ADGRE2: variants seen among roughly 807,000 people sequenced by gnomAD.
The protein encoded by ADGRE2 is CD97 antigen.
Under a neutral mutation model 100.8 loss-of-function variants are expected in ADGRE2, and 83 were observed. The observed-to-expected ratio is 0.82, with a 90% CI of 0.69 to 0.99. The LOEUF is 0.99. Ranked by LOEUF, ADGRE2 falls within the 50% of genes least tolerant of loss-of-function variation. ADGRE2 has a pLI of 0.00. For synonymous variants in ADGRE2, 355 were observed against 413.0 expected (o/e 0.86, Z 1.70); for missense variants, 814 against 1,035.7 (o/e 0.79, Z 2.94).
At chr19:14,771,621 C>CTTGCTTAT (rs1555789538) in intron 5 of ADGRE2, among the ~76,000 whole-genome samples, 1 of 143,590 alleles carries the variant, frequency 7.0e-6, no homozygotes, top group African/African-American at 2.6e-5. Context: ...GCATCCATTG[C>CTTGCTTAT]TTATTTATTT....
rs1025592396 is a variant in ADGRE2 at position 14,755,238 on chromosome 19, A to G, written c.1417-111T>C. The G allele has an allele frequency of 4.0e-6, 4 of 1,011,408 alleles. No individual in the cohort carries two copies. The African/African-American group carries it at 6.4e-5, about 16-fold the overall frequency. The allele number at this position is 1,011,408 out of a possible 1,614,324, so 62.7% of individuals were successfully genotyped here. On this transcript the variant is annotated intron_variant, in intron 13 of 20. Transcript: ENST00000315576. ...CACTTGAGGTCAGGAGTTTGAGACC[A>G]GCCTGGCCAACATGGTGAAACCCCA... is the stretch of plus-strand genomic sequence containing the variant.
In ADGRE2 at chr19:14,773,962, T is replaced by G; in HGVS notation, c.175A>C (p.Thr59Pro). 6.2e-7 allele frequency: 1 copy of G among 1,613,678 alleles called. No homozygotes were observed. Among genetic ancestry groups the G allele is most frequent in the Non-Finnish European group, 8.5e-7 (1 of 1,179,936 alleles). ...CCGTCACAAGTCTCCATGGGGGTGG[T>G]GATGATCTCAGAAAAAGAGCTGAAC... is the stretch of plus-strand genomic sequence containing the variant. ...PGFSSFSEII[T>P]TPMETCDDIN... The change falls in exon 4 of 21, where the codon ACC becomes CCC. Residue 59 changes from threonine to proline, a missense_variant. By Grantham distance (38) the Thr-to-Pro change is conservative. Around this residue, in one of 5 missense-constraint regions of ADGRE2, gnomAD observed 143 missense variants for 160.3 expected, o/e 0.89. Transcript: ENST00000315576.
intron 15 of ADGRE2, 71 bp downstream of exon 15, chr19:14,752,258 G>C: frequency 6.4e-7 from 1 of 1,568,448 alleles, no homozygotes; most frequent in South Asian, 1.1e-5. Context: ...GGAATCAAAT[G>C]CCGCATCATT....
At chr19:14,769,379 A>T (rs940833177) in intron 5 of ADGRE2, among the ~76,000 whole-genome samples, 2 of 152,152 alleles carry the variant, frequency 1.3e-5, no homozygotes, top group African/African-American at 4.8e-5. Context: ...CGGCCCTGTG[A>T]TGCCTGGAGT....
At chr19:14,769,014 G>A (rs928479488) in intron 5 of ADGRE2, 1 of 152,260 alleles carries the variant, frequency 6.6e-6, no homozygotes, top group Admixed American at 6.6e-5. Context: ...TGATAGCAGA[G>A]AGAATGGATA....
At chr19:14,754,544 A>T (rs1361771578) in intron 14 of ADGRE2, among the ~76,000 whole-genome samples, 1 of 152,034 alleles carries the variant, frequency 6.6e-6, no homozygotes, top group Non-Finnish European at 1.5e-5. Flanking sequence ...CTTAAGAGGG[A>T]TTCTGCGTGA....
Position 14,752,350 on chromosome 19 carries a change from T to C in ADGRE2, c.1767A>G (p.Ala589=), listed in dbSNP as rs748659544. ...ATACCTTGTGTCCGGTTTGATCAATTGCCACGAGGAAGAGGAGGTGGGCCA... is the reference window on the plus strand; with the variant it reads ...ATACCTTGTGTCCGGTTTGATCAATCGCCACGAGGAAGAGGAGGTGGGCCA... ...LFLAHLLFLV[A]IDQTGHKVLC... Residue 589 remains alanine (A), a synonymous_variant, in exon 15 of 21, where the codon GCA becomes GCG. Transcript: ENST00000315576. 37 of 1,613,980 alleles carry C rather than the reference T, an allele frequency of 2.3e-5. No homozygotes were observed. The highest frequency in any genetic ancestry group is 2.9e-5 in the Non-Finnish European group (34 of 1,179,998).
intron 5 of ADGRE2, chr19:14,769,029 G>A (rs913162191): frequency 3.3e-5 from 5 of 152,196 alleles, no homozygotes; most frequent in African/African-American, 7.2e-5. Flanking sequence ...TGGATACTGC[G>A]CTGGAATGCA....
chr19:14,768,254 G>T (rs143775067), intron 5 of ADGRE2, among the ~76,000 whole-genome samples: 93 of 152,336 alleles, frequency 6.1e-4, no homozygotes, highest in East Asian at 4.3e-3. Flanking sequence ...GTCTGGTGCT[G>T]CATAGGCCAG....
At chr19:14,764,304 T>A in intron 11 of ADGRE2, 129 bp downstream of exon 11, 1 of 786,756 alleles carries the variant, frequency 1.3e-6, no homozygotes, top group Non-Finnish European at 2.1e-6. Context: ...CTTTTTAATC[T>A]CTTATTTTAG....
chr19:14,777,014 ACG>A lies in ADGRE2; in HGVS notation c.-171-89_-171-88del, dbSNP rs2044470800. ...CACACACACACACACACACACACAC[ACG>A]TGTACTCGCTCAGCAAGAATGAAGT... is the stretch of plus-strand genomic sequence containing the variant. On this transcript the variant is annotated intron_variant, in intron 1 of 20. Transcript: ENST00000315576. The A allele has an allele frequency of 2.3e-6, 3 of 1,281,516 alleles. No homozygotes were observed. The African/African-American group carries it at 4.6e-5, about 20-fold the overall frequency. The allele number at this position is 1,281,516 out of a possible 1,614,324, so 79.4% of individuals were successfully genotyped here.
chr19:14,770,669 C>CTTTTTTTTT (rs775214778), intron 5 of ADGRE2, among the ~76,000 whole-genome samples: 122 of 84,966 alleles, frequency 1.4e-3, no homozygotes, highest in Non-Finnish European at 2.1e-3. Flanking sequence ...TCTTTCTTTT[C>CTTTTTTTTT]TTTTTTTTTT....
In ADGRE2 at chr19:14,751,565, G is replaced by T. The variant is rs45563436; in HGVS notation, c.1895C>A (p.Thr632Lys). ...GTTGATGCTTGAGTAGTTGACCACC[G>T]TCAGGTTCCGTGCAGTGAGGAAGAG... is the stretch of plus-strand genomic sequence containing the variant. ...LYLFLTARNL[T>K]VVNYSSINRF... Residue 632 changes from threonine to lysine, a missense_variant, in exon 16 of 21, where the codon ACG becomes AAG. Around this residue, in one of 5 missense-constraint regions of ADGRE2, gnomAD observed 569 missense variants for 692.7 expected, o/e 0.82. Transcript: ENST00000315576. 1 of 1,613,934 alleles carries T rather than the reference G, an allele frequency of 6.2e-7. No individual in the cohort carries two copies. The highest frequency in any genetic ancestry group is 1.1e-5 in the South Asian group (1 of 91,082).
At chr19:14,730,609 G>T (rs1167057011), downstream of ADGRE2, among the ~76,000 whole-genome samples, 2 of 152,014 alleles carry the variant, frequency 1.3e-5, no homozygotes, top group Non-Finnish European at 2.9e-5. Flanking sequence ...AAAGCAGTTT[G>T]TAATAACCCA....
chr19:14,759,863 G>A (rs1248569086), intron 11 of ADGRE2, among the ~76,000 whole-genome samples: 6 of 138,746 alleles, frequency 4.3e-5, no homozygotes, highest in Non-Finnish European at 6.0e-5. Context: ...CTGTCACCCA[G>A]GCTGGAGTGC....
intron 6 of ADGRE2, 107 bp from the exon 7 acceptor site, chr19:14,766,488 A>G: frequency 5.1e-6 from 7 of 1,366,744 alleles, no homozygotes; most frequent in South Asian, 2.8e-5. Context: ...ACTGAAGACC[A>G]TTATTGCACG....
chr19:14,769,345 C>T (rs2044109607), intron 5 of ADGRE2, among the ~76,000 whole-genome samples: 1 of 152,140 alleles, frequency 6.6e-6, no homozygotes, highest in African/African-American at 2.4e-5. Context: ...GTTTGGATAG[C>T]GACAGGTGAC....
At chr19:14,764,315 T>C in intron 11 of ADGRE2, 118 bp downstream of exon 11, 1 of 856,254 alleles carries the variant, frequency 1.2e-6, no homozygotes, top group Non-Finnish European at 1.9e-6. Context: ...CTTATTTTAG[T>C]TTGTCGATGA....
At position 14,734,672 on chromosome 19, in the gene ADGRE2, C is replaced by CCCCG. The variant is rs2042718078; in HGVS notation, c.*1563_*1564insCGGG. The CCCCG allele has an allele frequency of 6.6e-6, 1 of 152,196 alleles. No homozygotes were observed. Among genetic ancestry groups the CCCCG allele is most frequent in the Admixed American group, 6.5e-5 (1 of 15,270 alleles). 9.4% of individuals were successfully genotyped at this position (152,196 alleles called of 1,614,324 possible). ...GAACTCCTGACCTTAGGTGATCTGA[C>CCCCG]CACCTCAGCCTCCCAAAGTGCTGGG... On this transcript the variant is annotated 3_prime_UTR_variant, in exon 21 of 21. Coordinates refer to ENST00000315576, the MANE Select transcript of ADGRE2 (RefSeq NM_013447.4).
Sources: allele counts gnomAD v4.1 joint callset (sites outside exome capture counted in the v4.1 genomes callset), GRCh38; gene constraint gnomAD v4.1.1; regional missense constraint gnomAD v4.1.1; transcripts MANE v1.5; gene names NCBI Gene and HGNC (gene_info 2026-07-23, HGNC 2026-07-21).